The following NPM2 variants were observed in gnomAD, a reference collection of about 807,000 sequenced individuals.
The protein encoded by NPM2 is nucleoplasmin-2.
Under a neutral mutation model 32.0 loss-of-function variants are expected in NPM2, and 25 were observed. The ratio of observed to expected loss-of-function variants is 0.78; its 90% confidence interval spans 0.57 to 1.09. The LOEUF (loss-of-function observed/expected upper bound fraction) is 1.09, where lower values mean the gene tolerates loss of function less well. NPM2 is among the 50% of genes least tolerant of loss of function. The pLI, the probability that NPM2 is intolerant of heterozygous loss-of-function variation, is 0.00. For missense variants in NPM2, 282 were observed against 259.9 expected (o/e 1.08, Z -0.58); for synonymous variants, 111 against 94.2 (o/e 1.18, Z -1.04).
chr8:22,029,774 A>T (rs936734543), intron 5 of NPM2, among the ~76,000 whole-genome samples: 1 of 152,210 alleles, frequency 6.6e-6, no homozygotes, highest in Non-Finnish European at 1.5e-5. Flanking sequence ...AGTTTCCTTC[A>T]GCTTTGAAGC....
At chr8:22,027,092 G>A (rs955227860) in intron 5 of NPM2, among the ~76,000 whole-genome samples, 1 of 152,152 alleles carries the variant, frequency 6.6e-6, no homozygotes, top group African/African-American at 2.4e-5. Context: ...TACTGGTCAT[G>A]TTACAAATTC....
intron 7 of NPM2, 83 bp downstream of exon 7, chr8:22,034,358 G>C: frequency 7.0e-7 from 1 of 1,436,884 alleles, no homozygotes; most frequent in South Asian, 1.3e-5. Flanking sequence ...GGGAGCCTGG[G>C]CCAGCCTCCC....
At chr8:22,028,469 C>T (rs114491678) in intron 5 of NPM2, among the ~76,000 whole-genome samples, 6,411 of 142,426 alleles carry the variant, frequency 0.045, 185 homozygotes, top group Non-Finnish European at 0.066. Flanking sequence ...CAGGCGCTCC[C>T]CACCATGCCC....
intron 3 of NPM2, 26 bp downstream of exon 3, chr8:22,025,332 C>A (rs952139924): frequency 7.5e-6 from 12 of 1,601,650 alleles, no homozygotes; most frequent in Non-Finnish European, 1.0e-5. Context: ...GGCTCCTTCC[C>A]AGAGACACGC....
chr8:22,034,529 A>G lies in NPM2; in HGVS notation c.551A>G (p.Glu184Gly), dbSNP rs200348100. The change falls in exon 8 of 10, where the codon GAA becomes GGA. Residue 184 changes from glutamate to glycine, a missense_variant. Transcript: ENST00000518119. ...TCCCAGAAAAAAAAGCTGGAAAAAGAAGAAGAGGAAATAAGGTAACTCTTT... is the reference window on the plus strand; with the variant it reads ...TCCCAGAAAAAAAAGCTGGAAAAAGGAGAAGAGGAAATAAGGTAACTCTTT... ...SVAKKKKLEK[E>G]EEEIRASVRD... The G allele has an allele frequency of 4.3e-6, 7 of 1,611,938 alleles. No homozygotes were observed. In the East Asian group the frequency reaches 1.3e-4, roughly 31 times the overall value.
intron 5 of NPM2, among the ~76,000 whole-genome samples, chr8:22,029,159 G>A (rs1032987874): frequency 7.9e-5 from 12 of 151,082 alleles, no homozygotes; most frequent in African/African-American, 2.2e-4. Context: ...TTTTATTTTC[G>A]AAATGGAGTC....
intron 5 of NPM2, among the ~76,000 whole-genome samples, chr8:22,030,611 GATT>G (rs552266677): frequency 1.3e-5 from 2 of 151,930 alleles, no homozygotes; most frequent in Non-Finnish European, 2.9e-5. Context: ...TTGTTCTTAT[GATT>G]ATGATTCCTA....
intron 7 of NPM2, 80 bp from the exon 8 acceptor site, chr8:22,034,430 G>A (rs775856522): frequency 7.4e-5 from 104 of 1,400,952 alleles, no homozygotes; most frequent in Non-Finnish European, 9.5e-5. Context: ...AGCTCAGCGG[G>A]GACCTTGTGG....
intron 5 of NPM2, 121 bp downstream of exon 5, chr8:22,025,893 C>G (rs1237264404): frequency 7.1e-7 from 1 of 1,404,250 alleles, no homozygotes; most frequent in Non-Finnish European, 9.8e-7. Context: ...GGAGGTAGCA[C>G]AGCCCATGCA....
In NPM2 at chr8:22,026,604, A is replaced by G. The variant is rs528588127; in HGVS notation, c.270+832A>G. ...GGAGTAGCTGGGATTACAGGTGTGCACCACCATGCCTGGCTAATTTTTGTA... is the reference window on the plus strand; with the variant it reads ...GGAGTAGCTGGGATTACAGGTGTGCGCCACCATGCCTGGCTAATTTTTGTA... On this transcript the variant is annotated intron_variant, in intron 5 of 9. Coordinates refer to ENST00000518119, the MANE Select transcript of NPM2 (RefSeq NM_001286680.2). Among the ~76,000 whole-genome samples, 35 of 152,034 alleles carry G rather than the reference A, an allele frequency of 2.3e-4. No homozygotes were observed. In the East Asian group the frequency reaches 6.8e-3, roughly 29 times the overall value.
At chr8:22,033,431 G>T (rs758710371) in intron 6 of NPM2, among the ~76,000 whole-genome samples, 4 of 152,180 alleles carry the variant, frequency 2.6e-5, no homozygotes, top group Non-Finnish European at 5.9e-5. Flanking sequence ...GTAGGCTGCA[G>T]CCCCTCACTT....
intron 6 of NPM2, among the ~76,000 whole-genome samples, chr8:22,033,551 TGCAGACCATAGCAAC>T (rs142011619): frequency 0.049 from 7,388 of 152,164 alleles, 259 homozygotes; most frequent in East Asian, 0.066. Context: ...GCTGCAGTGA[TGCAGACCATAGCAAC>T]GCAGACCATA....
chr8:22,034,172 A>G lies in NPM2; in HGVS notation c.428A>G (p.Glu143Gly). The G allele has an allele frequency of 6.2e-7, 1 of 1,612,934 alleles. No individual in the cohort carries two copies. Among genetic ancestry groups the G allele is most frequent in the Non-Finnish European group, 8.5e-7 (1 of 1,179,528 alleles). Residue 143 changes from glutamate to glycine, a missense_variant, in exon 7 of 10, where the codon GAG (glutamate) becomes GGG (glycine). Coordinates refer to ENST00000518119, the MANE Select transcript of NPM2 (RefSeq NM_001286680.2). ...EEEGEEEEEE[E>G]EDDEDEDADI... ...GAAGGGGAGGAGGAGGAAGAGGAAG[A>G]GGAAGATGATGAGGATGAGGATGCA...
At chr8:22,029,390 T>G (rs146725232) in intron 5 of NPM2, among the ~76,000 whole-genome samples, 4,220 of 152,288 alleles carry the variant, frequency 0.028, 83 homozygotes, top group Non-Finnish European at 0.043. Context: ...GTGATCCTCC[T>G]GCCTTGGCCT....
intron 4 of NPM2, 50 bp downstream of exon 4, chr8:22,025,571 G>C (rs1316956529): frequency 3.1e-6 from 5 of 1,613,488 alleles, no homozygotes; most frequent in Non-Finnish European, 4.2e-6. Context: ...GAACTTTCTG[G>C]TCCCAACGGA....
At position 22,036,632 on chromosome 8, in the gene NPM2, C is replaced by T. The variant is rs754413108; in HGVS notation, c.601-6C>T. 1 of 1,551,624 alleles carries T rather than the reference C, an allele frequency of 6.4e-7. No homozygotes were observed. The highest frequency in any genetic ancestry group is 1.2e-5 in the South Asian group (1 of 84,044). Reference sequence around the variant, plus strand: ...GGGACCCTGGAGCCCTGCCTTCCCTCCACAGGCCAAAGCCACAGCCAGAGC... The same window carrying T: ...GGGACCCTGGAGCCCTGCCTTCCCTTCACAGGCCAAAGCCACAGCCAGAGC... On this transcript the variant is annotated splice_region_variant and splice_polypyrimidine_tract_variant and intron_variant, in intron 9 of 9. Coordinates refer to ENST00000518119, the MANE Select transcript of NPM2 (RefSeq NM_001286680.2).
chr8:22,026,454 C>CTTTTTTTTTTTTT lies in NPM2; in HGVS notation c.270+688_270+700dup, dbSNP rs1171179196. 2.7e-4 allele frequency among the ~76,000 whole-genome samples: 30 copies of CTTTTTTTTTTTTT among 111,390 alleles called. 1 individual carries two copies. Among genetic ancestry groups the CTTTTTTTTTTTTT allele is most frequent in the South Asian group, 3.1e-4 (1 of 3,278 alleles). 73.1% of individuals were successfully genotyped at this position (111,390 alleles called of 152,430 possible). ...AATTGTGAATAATGGCAGTTCTTGCCTTTTTTTTTTTTTTTTTTGAGATGG... is the reference window on the plus strand; with the variant it reads ...AATTGTGAATAATGGCAGTTCTTGCCTTTTTTTTTTTTTTTTTTTTTTTTTTTTTTTGAGATGG... On this transcript the variant is annotated intron_variant, in intron 5 of 9. Transcript: ENST00000518119.
intron 8 of NPM2, among the ~76,000 whole-genome samples, chr8:22,035,825 C>T (rs1185073500): frequency 1.3e-5 from 2 of 151,286 alleles, no homozygotes; most frequent in African/African-American, 4.9e-5. Context: ...CCCAGCTACT[C>T]GGGAGGCTGA....
chr8:22,036,745 G>A lies in NPM2; in HGVS notation c.*63G>A, dbSNP rs908991038. 6.8e-7 allele frequency: 1 copy of A among 1,480,294 alleles called. No individual in the cohort carries two copies. The highest frequency in any genetic ancestry group is 2.5e-5 in the East Asian group (1 of 40,238). The allele number at this position is 1,480,294 out of a possible 1,614,324, so 91.7% of individuals were successfully genotyped here. ...TTCCCTGGGCTGTGCTGCAGGCACA[G>A]GGTGCCCCTGTCCAGCCCCTCCACC... is the stretch of plus-strand genomic sequence containing the variant. On this transcript the variant is annotated 3_prime_UTR_variant, in exon 10 of 10. Coordinates refer to ENST00000518119, the MANE Select transcript of NPM2 (RefSeq NM_001286680.2).
Sources: gnomAD v4.1 joint callset for allele counts (sites outside exome capture counted in the v4.1 genomes callset) on GRCh38, gnomAD v4.1.1 for gene constraint, MANE v1.5 for transcripts, NCBI Gene and HGNC (gene_info 2026-07-23, HGNC 2026-07-21) for gene names.